Variants in SHISA9 observed in about 807,000 individuals in gnomAD.
The protein encoded by SHISA9 is protein shisa-9.
A neutral mutation model predicts 38.0 loss-of-function variants in SHISA9; 13 were observed. That is an observed-to-expected ratio of 0.34 (90% CI 0.22 to 0.54). SHISA9 has a LOEUF of 0.54. SHISA9 is among the 20% of genes least tolerant of loss of function. The probability of loss-of-function intolerance (pLI) is 0.91; values close to 1 mark genes in which losing one functional copy is unlikely to be tolerated. For missense variants in SHISA9, 538 were observed against 575.8 expected (o/e 0.93, Z 0.67); for synonymous variants, 275 against 242.0 (o/e 1.14, Z -1.27).
intron 2 of SHISA9, among the ~76,000 whole-genome samples, chr16:13,155,268 G>C (rs911420419): frequency 3.9e-5 from 6 of 152,122 alleles, no homozygotes; most frequent in African/African-American, 1.4e-4. Flanking sequence ...GGAATGATGT[G>C]GAGTGGAATA....
intron 4 of SHISA9, among the ~76,000 whole-genome samples, chr16:13,232,707 A>C (rs1567258896): frequency 6.6e-6 from 1 of 152,186 alleles, no homozygotes; most frequent in Non-Finnish European, 1.5e-5. Flanking sequence ...GTGAGTGGGG[A>C]GCTTCAAGGC....
chr16:13,364,666 G>C, the SHISA9 span, among the ~76,000 whole-genome samples: 1 of 152,134 alleles, frequency 6.6e-6, no homozygotes, highest in Non-Finnish European at 1.5e-5. Flanking sequence ...ATTTATTCTT[G>C]GATCAAGCCC....
chr16:13,511,786 G>T, the SHISA9 span, among the ~76,000 whole-genome samples: 1 of 151,956 alleles, frequency 6.6e-6, no homozygotes, highest in East Asian at 1.9e-4. Flanking sequence ...GAGAAGGTGA[G>T]GGTGGGGGCA....
chr16:13,049,196 G>GTGTGTGTGTGTGTGTGTGTT (rs1470308261), intron 2 of SHISA9, among the ~76,000 whole-genome samples: 2 of 145,676 alleles, frequency 1.4e-5, no homozygotes, highest in Non-Finnish European at 3.0e-5. Context: ...GTGTGTGTGT[G>GTGTGTGTGTGTGTGTGTGTT]TGTGTGTGTA....
chr16:13,502,708 C>G, the SHISA9 span, among the ~76,000 whole-genome samples: 1 of 151,948 alleles, frequency 6.6e-6, no homozygotes, highest in South Asian at 2.1e-4. Flanking sequence ...AACCCCATCT[C>G]TACTAAAAAT....
At chr16:13,448,813 C>A in the SHISA9 span, among the ~76,000 whole-genome samples, 1 of 152,202 alleles carries the variant, frequency 6.6e-6, no homozygotes, top group African/African-American at 2.4e-5. Context: ...AAAATTAGCA[C>A]TCAATGCCAG....
At chr16:13,364,838 C>T in the SHISA9 span, among the ~76,000 whole-genome samples, 1 of 152,126 alleles carries the variant, frequency 6.6e-6, no homozygotes, top group South Asian at 2.1e-4. Flanking sequence ...GAGCATGTTG[C>T]TGGTAACATC....
intron 2 of SHISA9, among the ~76,000 whole-genome samples, chr16:13,013,195 C>T (rs981092119): frequency 5.3e-5 from 8 of 152,148 alleles, no homozygotes; most frequent in South Asian, 2.1e-4. Context: ...TCCCAGTGCT[C>T]GGTGCTAATG....
intron 2 of SHISA9, among the ~76,000 whole-genome samples, chr16:13,024,299 C>T (rs563213611): frequency 6.6e-6 from 1 of 152,336 alleles, no homozygotes; most frequent in African/African-American, 2.4e-5. Flanking sequence ...TCATTTGCAA[C>T]AGAGAAGGTG....
chr16:13,422,550 G>C, the SHISA9 span, among the ~76,000 whole-genome samples: 1 of 152,136 alleles, frequency 6.6e-6, no homozygotes, highest in Non-Finnish European at 1.5e-5. Flanking sequence ...ACAAAAATTA[G>C]CTGGGCATGG....
At chr16:13,313,262 A>AACAAAAC in the SHISA9 span, among the ~76,000 whole-genome samples, 1 of 140,698 alleles carries the variant, frequency 7.1e-6, no homozygotes, top group Admixed American at 7.1e-5. Flanking sequence ...CTCAAAAAAA[A>AACAAAAC]AAAAAAAAAA....
the SHISA9 span, among the ~76,000 whole-genome samples, chr16:13,347,884 A>C: frequency 6.6e-6 from 1 of 151,916 alleles, no homozygotes; most frequent in Non-Finnish European, 1.5e-5. Context: ...GAACTTGTGA[A>C]TATGTTGCAT....
intron 2 of SHISA9, among the ~76,000 whole-genome samples, chr16:13,124,619 C>G (rs1357108627): frequency 6.6e-6 from 1 of 152,076 alleles, no homozygotes; most frequent in African/African-American, 2.4e-5. Context: ...GAAGACAATC[C>G]TAAAACTTAT....
chr16:13,529,507 T>C, the SHISA9 span, among the ~76,000 whole-genome samples: 12 of 152,206 alleles, frequency 7.9e-5, no homozygotes, highest in African/African-American at 2.9e-4. Context: ...ATGCCTTGAT[T>C]TATGACTTTG....
At chr16:13,096,375 C>T (rs1192741705) in intron 2 of SHISA9, among the ~76,000 whole-genome samples, 1 of 152,090 alleles carries the variant, frequency 6.6e-6, no homozygotes, top group Non-Finnish European at 1.5e-5. Context: ...CCTCAAGAAG[C>T]TTATAGATTA....
intron 2 of SHISA9, among the ~76,000 whole-genome samples, chr16:12,986,994 G>C (rs2072319340): frequency 6.6e-6 from 1 of 152,174 alleles, no homozygotes; most frequent in African/African-American, 2.4e-5. Flanking sequence ...TTCCATATCT[G>C]TCTTCTCCAC....
intron 2 of SHISA9, among the ~76,000 whole-genome samples, chr16:13,024,627 C>G (rs1004789613): frequency 2.0e-5 from 3 of 152,220 alleles, no homozygotes; most frequent in African/African-American, 7.2e-5. Context: ...TGCGAGAGAT[C>G]TGGGTTCAAA....
the SHISA9 span, among the ~76,000 whole-genome samples, chr16:13,530,618 G>A: frequency 0.13 from 19,162 of 151,516 alleles, 1,545 homozygotes; most frequent in Non-Finnish European, 0.19. Flanking sequence ...GGGATACTTG[G>A]GTTGACTGTG....
intron 2 of SHISA9, among the ~76,000 whole-genome samples, chr16:13,136,842 C>G (rs2050354021): frequency 6.6e-6 from 1 of 151,996 alleles, no homozygotes; most frequent in African/African-American, 2.4e-5. Flanking sequence ...TTTTTTTTGA[C>G]TAATGTCTCA....
Sources: gnomAD v4.1 joint callset for allele counts (sites outside exome capture counted in the v4.1 genomes callset) on GRCh38, gnomAD v4.1.1 for gene constraint, MANE v1.5 for transcripts, NCBI Gene and HGNC (gene_info 2026-07-23, HGNC 2026-07-21) for gene names.